Variants in STOX2 observed in about 807,000 individuals in gnomAD.
The protein encoded by STOX2 is storkhead-box protein 2.
In STOX2, 28 loss-of-function variants were observed where a neutral mutation model predicts 60.9. The ratio of observed to expected loss-of-function variants is 0.46; its 90% CI spans 0.34 to 0.63. STOX2 has a LOEUF of 0.63. Ranked by LOEUF, STOX2 falls within the 30% of genes least tolerant of loss-of-function variation. The probability of loss-of-function intolerance (pLI) is 0.01; values close to 1 mark genes in which losing one functional copy is unlikely to be tolerated. For missense variants in STOX2, 1,024 were observed against 1,187.7 expected, an observed-to-expected ratio of 0.86 and a Z score of 2.03; for synonymous variants, 472 against 463.9, an observed-to-expected ratio of 1.02 and a Z score of -0.22.
chr4:183,833,779 G>A (rs1423307814), intron 1 of STOX2, among the ~76,000 whole-genome samples: 2 of 148,050 alleles, frequency 1.4e-5, no homozygotes, highest in Non-Finnish European at 3.0e-5. Flanking sequence ...TCAGGAGATC[G>A]AGACCATCCC....
intron 1 of STOX2, among the ~76,000 whole-genome samples, chr4:183,799,950 C>T (rs543811248): frequency 6.6e-6 from 1 of 152,250 alleles, no homozygotes; most frequent in South Asian, 2.1e-4. Context: ...CTCACCTTAC[C>T]TCTGCACCCT....
intron 1 of STOX2, among the ~76,000 whole-genome samples, chr4:183,846,809 A>T (rs934272705): frequency 3.9e-5 from 6 of 151,966 alleles, no homozygotes; most frequent in Admixed American, 3.9e-4. Context: ...TGCGTGGGTC[A>T]TACTTTCTTG....
chr4:183,966,668 C>A (rs771887563), intron 1 of STOX2, among the ~76,000 whole-genome samples: 4 of 152,206 alleles, frequency 2.6e-5, no homozygotes, highest in Non-Finnish European at 4.4e-5. Flanking sequence ...AGGAGGCGTG[C>A]AATTTAGAGT....
At chr4:183,907,086 A>T (rs1056185551) in intron 1 of STOX2, 130 bp downstream of exon 1, 13 of 763,868 alleles carry the variant, frequency 1.7e-5, no homozygotes, top group Admixed American at 3.2e-5. Context: ...AGCAGGAAAA[A>T]ATTAGCTCCC....
chr4:183,944,575 G>A (rs534901888), intron 1 of STOX2, among the ~76,000 whole-genome samples: 2 of 152,168 alleles, frequency 1.3e-5, no homozygotes, highest in Admixed American at 6.5e-5. Context: ...TTAGTCAAGC[G>A]TGGTGGCGCA....
At chr4:183,919,413 C>T (rs147596519) in intron 1 of STOX2, among the ~76,000 whole-genome samples, 2,006 of 152,214 alleles carry the variant, frequency 0.013, 30 homozygotes, top group Admixed American at 0.044. Context: ...TTTATGGTTC[C>T]GCAGTCGTGG....
intron 1 of STOX2, among the ~76,000 whole-genome samples, chr4:183,822,011 T>G (rs368145229): frequency 0.011 from 1,679 of 151,886 alleles, 14 homozygotes; most frequent in Middle Eastern, 0.017. Flanking sequence ...TGGCTGGGGG[T>G]GCCTAGGTCT....
chr4:184,020,905 T>C lies in STOX2; in HGVS notation c.*3621T>C, dbSNP rs541672326. On this transcript the variant is annotated 3_prime_UTR_variant, in exon 4 of 4. Coordinates refer to ENST00000308497, the MANE Select transcript of STOX2 (RefSeq NM_020225.3). Reference sequence around the variant, plus strand: ...TCTAAAATGTAAATTTAAATTACATTGCAGTCACCATGGGGAGAAGAAACC... The same window carrying C: ...TCTAAAATGTAAATTTAAATTACATCGCAGTCACCATGGGGAGAAGAAACC... 9.2e-5 allele frequency: 14 copies of C among 152,326 alleles called. No homozygotes were observed. The East Asian group carries it at 2.5e-3, about 27-fold the overall frequency. The allele number at this position is 152,326 out of a possible 1,614,324, so 9.4% of individuals were successfully genotyped here. A position where few individuals can be genotyped will look rare whatever the true frequency, so the allele number is the denominator to read the frequency against.
chr4:183,948,630 C>G (rs1044203078), intron 1 of STOX2, among the ~76,000 whole-genome samples: 3 of 137,106 alleles, frequency 2.2e-5, no homozygotes, highest in Admixed American at 8.4e-5. Context: ...CTCCCGGGTT[C>G]AAGCGATTCT....
At chr4:183,819,164 A>G (rs1486805846) in intron 1 of STOX2, among the ~76,000 whole-genome samples, 3 of 152,156 alleles carry the variant, frequency 2.0e-5, no homozygotes, top group Non-Finnish European at 4.4e-5. Context: ...AGAGGCTGCA[A>G]TCTTGGCACT....
intron 1 of STOX2, among the ~76,000 whole-genome samples, chr4:184,000,114 G>C (rs758275407): frequency 2.0e-5 from 3 of 152,058 alleles, no homozygotes; most frequent in Non-Finnish European, 4.4e-5. Context: ...AGAACCCCAG[G>C]TATAAAACAG....
At position 184,017,624 on chromosome 4, in the gene STOX2, C is replaced by A; in HGVS notation, c.*340C>A. ...AGTTGCCAATTCCATTTTAAAATGC[C>A]ACAGATGCGTGTTGCTCCCAGTCTG... On this transcript the variant is annotated 3_prime_UTR_variant, in exon 4 of 4. Coordinates refer to ENST00000308497, the MANE Select transcript of STOX2 (RefSeq NM_020225.3). 6.3e-6 allele frequency: 1 copy of A among 159,610 alleles called. No individual in the cohort carries two copies. Among genetic ancestry groups the A allele is most frequent in the East Asian group, 1.8e-4 (1 of 5,672 alleles). The allele number at this position is 159,610 out of a possible 1,614,324, so 9.9% of individuals were successfully genotyped here. A position where few individuals can be genotyped will look rare whatever the true frequency, so the allele number is the denominator to read the frequency against.
intron 1 of STOX2, among the ~76,000 whole-genome samples, chr4:183,931,961 T>C (rs773338347): frequency 6.6e-6 from 1 of 152,050 alleles, no homozygotes; most frequent in Non-Finnish European, 1.5e-5. Flanking sequence ...AAGGGAGGCA[T>C]GGAGACCAGG....
chr4:183,999,883 G>A (rs1187313782), intron 1 of STOX2, among the ~76,000 whole-genome samples: 1 of 152,196 alleles, frequency 6.6e-6, no homozygotes, highest in Non-Finnish European at 1.5e-5. Context: ...CCTTGTCGGG[G>A]AGGGTGTTGC....
chr4:183,932,319 T>A, intron 1 of STOX2, among the ~76,000 whole-genome samples: 1 of 35,856 alleles, frequency 2.8e-5, no homozygotes, highest in African/African-American at 5.2e-5. Flanking sequence ...ACATACAGTA[T>A]ATGTATGTAT....
intron 1 of STOX2, among the ~76,000 whole-genome samples, chr4:183,873,862 G>A (rs1740751842): frequency 6.6e-6 from 1 of 152,210 alleles, no homozygotes; most frequent in Non-Finnish European, 1.5e-5. Flanking sequence ...TGGAAATGGT[G>A]GTTTCCCCAG....
chr4:183,870,214 T>C (rs1740657411), intron 1 of STOX2, among the ~76,000 whole-genome samples: 2 of 152,250 alleles, frequency 1.3e-5, no homozygotes, highest in Non-Finnish European at 1.5e-5. Context: ...ATAGTATGAT[T>C]AAAATGGCTT....
intron 1 of STOX2, among the ~76,000 whole-genome samples, chr4:183,894,080 G>A (rs1324650822): frequency 2.0e-5 from 3 of 152,238 alleles, no homozygotes; most frequent in Non-Finnish European, 4.4e-5. Flanking sequence ...TGAGCCCAGA[G>A]GTCAATGCTG....
At chr4:183,939,442 G>A (rs1024718736) in intron 1 of STOX2, among the ~76,000 whole-genome samples, 5 of 152,142 alleles carry the variant, frequency 3.3e-5, no homozygotes, top group African/African-American at 4.8e-5. Context: ...GGGCTCACCC[G>A]AGTAATCCAG....
Sources: allele counts gnomAD v4.1 joint callset (sites outside exome capture counted in the v4.1 genomes callset), GRCh38; gene constraint gnomAD v4.1.1; transcripts MANE v1.5; gene names NCBI Gene and HGNC (gene_info 2026-07-23, HGNC 2026-07-21).